SPOCK1: variants seen among roughly 807,000 people sequenced by gnomAD.
SPOCK1 encodes the protein testican-1.
In SPOCK1, 23 loss-of-function variants were observed where a neutral mutation model predicts 55.3. The ratio of observed to expected loss-of-function variants is 0.42; its 90% CI spans 0.30 to 0.59. The LOEUF (loss-of-function observed/expected upper bound fraction) is 0.59. Ranked by LOEUF, SPOCK1 falls within the 20% of genes least tolerant of loss-of-function variation. The pLI, the probability that SPOCK1 is intolerant of heterozygous loss-of-function variation, is 0.22. For synonymous variants in SPOCK1, 226 were observed against 221.0 expected, an observed-to-expected ratio of 1.02 and a Z score of -0.20; for missense variants, 499 against 552.5, an observed-to-expected ratio of 0.90 and a Z score of 0.97.
At chr5:137,257,589 G>A (rs1039195723) in intron 3 of SPOCK1, among the ~76,000 whole-genome samples, 3 of 152,116 alleles carry the variant, frequency 2.0e-5, no homozygotes, top group South Asian at 2.1e-4. Flanking sequence ...TAGGCCACCC[G>A]GTCTATGGTG....
chr5:137,206,178 G>A (rs1755518506), intron 3 of SPOCK1, among the ~76,000 whole-genome samples: 1 of 152,190 alleles, frequency 6.6e-6, no homozygotes, highest in Admixed American at 6.5e-5. Flanking sequence ...TGCCACACTG[G>A]GCTGGATTCC....
chr5:137,118,579 C>T (rs141750833), intron 4 of SPOCK1, among the ~76,000 whole-genome samples: 7 of 152,334 alleles, frequency 4.6e-5, no homozygotes, highest in Non-Finnish European at 8.8e-5. Context: ...GGGGCCATAG[C>T]CAGGGCCGAC....
chr5:137,301,511 G>C (rs1402187453), intron 2 of SPOCK1, among the ~76,000 whole-genome samples: 1 of 151,942 alleles, frequency 6.6e-6, no homozygotes, highest in Non-Finnish European at 1.5e-5. Flanking sequence ...AGTTCCCCTT[G>C]GCCTACTCTA....
At chr5:137,263,774 G>A (rs550055150) in intron 3 of SPOCK1, among the ~76,000 whole-genome samples, 1 of 152,222 alleles carries the variant, frequency 6.6e-6, no homozygotes, top group Non-Finnish European at 1.5e-5. Flanking sequence ...CCTAATCTCA[G>A]GAAGAATTCT....
At chr5:137,280,043 C>T (rs1033371168) in intron 2 of SPOCK1, among the ~76,000 whole-genome samples, 3 of 152,202 alleles carry the variant, frequency 2.0e-5, no homozygotes, top group African/African-American at 4.8e-5. Context: ...GGAGGTCCCC[C>T]GCACAGCCAG....
At chr5:136,984,913 G>A (rs111384618) in intron 9 of SPOCK1, among the ~76,000 whole-genome samples, 3 of 152,162 alleles carry the variant, frequency 2.0e-5, no homozygotes, top group East Asian at 1.9e-4. Context: ...GCTGGACTTC[G>A]GCCCTGGCTG....
intron 5 of SPOCK1, among the ~76,000 whole-genome samples, chr5:137,096,967 G>A (rs1263121216): frequency 6.6e-6 from 1 of 152,150 alleles, no homozygotes; most frequent in African/African-American, 2.4e-5. Flanking sequence ...TAATAACTGA[G>A]TCTCCCTCTC....
chr5:137,211,922 G>A (rs1313663372), intron 3 of SPOCK1, among the ~76,000 whole-genome samples: 3 of 152,174 alleles, frequency 2.0e-5, no homozygotes, highest in African/African-American at 7.2e-5. Flanking sequence ...CTGTTCATCT[G>A]TACCCTTTGT....
intron 3 of SPOCK1, among the ~76,000 whole-genome samples, chr5:137,236,324 C>T (rs1038512354): frequency 3.2e-4 from 49 of 152,346 alleles, no homozygotes; most frequent in African/African-American, 1.2e-3. Flanking sequence ...ACACCAGGCC[C>T]TTCATGGAGT....
At chr5:137,259,060 A>T (rs1464573427) in intron 3 of SPOCK1, among the ~76,000 whole-genome samples, 3 of 152,154 alleles carry the variant, frequency 2.0e-5, no homozygotes, top group Non-Finnish European at 4.4e-5. Context: ...CATACCACAT[A>T]CCTACTCCTT....
chr5:137,008,851 C>A (rs965545994), intron 6 of SPOCK1, among the ~76,000 whole-genome samples: 2 of 151,970 alleles, frequency 1.3e-5, no homozygotes, highest in African/African-American at 4.8e-5. Flanking sequence ...GATCAAGTGT[C>A]AGGAGAAATG....
At chr5:137,251,765 T>C (rs1445734427) in intron 3 of SPOCK1, among the ~76,000 whole-genome samples, 2 of 152,178 alleles carry the variant, frequency 1.3e-5, no homozygotes, top group Non-Finnish European at 2.9e-5. Context: ...AAAAAAATTA[T>C]AAAGCAAAAA....
chr5:137,158,595 C>T (rs1167190038), intron 3 of SPOCK1, among the ~76,000 whole-genome samples: 1 of 152,180 alleles, frequency 6.6e-6, no homozygotes, highest in Non-Finnish European at 1.5e-5. Context: ...CTCCTCAACA[C>T]CACAGCCCAC....
chr5:137,074,701 T>C (rs1295743702), intron 5 of SPOCK1, among the ~76,000 whole-genome samples: 1 of 150,198 alleles, frequency 6.7e-6, no homozygotes, highest in Non-Finnish European at 1.5e-5. Flanking sequence ...ATTTTGTTGT[T>C]GTTGTTGTTG....
intron 3 of SPOCK1, among the ~76,000 whole-genome samples, chr5:137,235,084 G>A (rs1756151334): frequency 6.6e-6 from 1 of 152,236 alleles, no homozygotes; most frequent in South Asian, 2.1e-4. Context: ...CTGGGGACCA[G>A]ACATTTGGGG....
Position 136,978,721 on chromosome 5 carries a change from C to CG in SPOCK1, c.1252dup (p.Arg418ProfsTer7). On this transcript the variant is annotated frameshift_variant, in exon 11 of 11. Coordinates refer to ENST00000394945, the MANE Select transcript of SPOCK1 (RefSeq NM_004598.4). LOFTEE classifies it high-confidence loss of function. ...ATCCTCATCATCCTCTGTCACGGCTCGGGTGTGCACCCTCAGCTTCCCCTC... is the reference window on the plus strand; with the variant it reads ...ATCCTCATCATCCTCTGTCACGGCTCGGGGTGTGCACCCTCAGCTTCCCCTC... The CG allele has an allele frequency of 6.2e-7, 1 of 1,614,048 alleles. No individual in the cohort carries two copies. Among genetic ancestry groups the CG allele is most frequent in the Non-Finnish European group, 8.5e-7 (1 of 1,179,972 alleles).
At position 137,425,506 on chromosome 5, in the gene SPOCK1, C is replaced by T. The variant is rs535901523; in HGVS notation, c.186+72867G>A. ...ATGCATTTTCTGAAGCAAATGACAA[C>T]TCTAATAATGTTGCTGAATCACAAT... On this transcript the variant is annotated intron_variant, in intron 2 of 10. Transcript: ENST00000394945. 5.3e-5 allele frequency among the ~76,000 whole-genome samples: 8 copies of T among 152,130 alleles called. No individual in the cohort carries two copies. The South Asian group carries it at 1.7e-3, about 32-fold the overall frequency.
rs1257344401 is a variant in SPOCK1 at position 137,081,061 on chromosome 5, AG to A, written c.475-13233del. ...AGCTCCTCTGTTCTGATCCCTCAGC[AG>A]GGGGGCTGTGCCTCCTGTCCCTGGA... On this transcript the variant is annotated intron_variant, in intron 5 of 10. Coordinates refer to ENST00000394945, the MANE Select transcript of SPOCK1 (RefSeq NM_004598.4). 2.0e-5 allele frequency among the ~76,000 whole-genome samples: 3 copies of A among 152,344 alleles called. No individual in the cohort carries two copies. The East Asian group carries it at 5.8e-4, about 29-fold the overall frequency.
chr5:137,010,046 G>A (rs894681158), intron 6 of SPOCK1, among the ~76,000 whole-genome samples: 1 of 152,090 alleles, frequency 6.6e-6, no homozygotes. Context: ...CATCCAAGAA[G>A]AGTCTACCTC....
Sources: allele counts gnomAD v4.1 joint callset (sites outside exome capture counted in the v4.1 genomes callset), GRCh38; gene constraint gnomAD v4.1.1; transcripts MANE v1.5; gene names NCBI Gene and HGNC (gene_info 2026-07-23, HGNC 2026-07-21).